The following TRMT1L variants were observed in gnomAD, a reference collection of about 807,000 sequenced individuals.
The protein encoded by TRMT1L is tRNA (guanine(27)-N(2))-dimethyltransferase.
Under a neutral mutation model 81.6 loss-of-function variants are expected in TRMT1L, and 28 were observed. That is an observed-to-expected ratio of 0.34 (90% CI 0.25 to 0.47). TRMT1L has a LOEUF of 0.47. TRMT1L is among the 20% of genes least tolerant of loss of function. The pLI, the probability that TRMT1L is intolerant of heterozygous loss-of-function variation, is 1.00. For missense variants in TRMT1L, 739 were observed against 877.1 expected (o/e 0.84, Z 1.99); for synonymous variants, 301 against 303.2 (o/e 0.99, Z 0.07).
intron 7 of TRMT1L, 95 bp downstream of exon 7, chr1:185,143,262 A>AT (rs1411025092): frequency 2.5e-6 from 3 of 1,177,432 alleles, no homozygotes; most frequent in South Asian, 1.6e-5. Context: ...TGGATCTTTA[A>AT]TTTTTTTACA....
In TRMT1L at chr1:185,143,891, T is replaced by G. The variant is rs1193215842; in HGVS notation, c.779+15A>C. On this transcript the variant is annotated intron_variant, in intron 6 of 14. Coordinates refer to ENST00000367506, the MANE Select transcript of TRMT1L (RefSeq NM_030934.5). ...ATTTGAAACATCCCATAACCCTATT[T>G]TCAATTTATCTTACCGATTTAGTTT... is the stretch of plus-strand genomic sequence containing the variant. 6.3e-7 allele frequency: 1 copy of G among 1,598,554 alleles called. No homozygotes were observed. Among genetic ancestry groups the G allele is most frequent in the Admixed American group, 1.7e-5 (1 of 58,960 alleles).
chr1:185,139,916 C>T (rs754101144), intron 8 of TRMT1L, 57 bp downstream of exon 8: 667 of 1,536,296 alleles, frequency 4.3e-4, no homozygotes, highest in Non-Finnish European at 5.7e-4. Flanking sequence ...AACTACTCCT[C>T]GTCCCCAAAA....
chr1:185,145,241 A>T (rs1167350965), intron 5 of TRMT1L, among the ~76,000 whole-genome samples, 198 bp downstream of exon 5: 1 of 151,888 alleles, frequency 6.6e-6, no homozygotes, highest in African/African-American at 2.4e-5. Context: ...TACACCATTT[A>T]TTAAATATAT....
chr1:185,123,938 G>T lies in TRMT1L; in HGVS notation c.1760-19C>A. ...TTTTCTTCTAAAAAATAAAGCAAATGGGAAAAGAAAATATTTTACAGAATG... is the reference window on the plus strand; with the variant it reads ...TTTTCTTCTAAAAAATAAAGCAAATTGGAAAAGAAAATATTTTACAGAATG... On this transcript the variant is annotated intron_variant, in intron 12 of 14. Transcript: ENST00000367506. 1 of 1,364,816 alleles carries T rather than the reference G, an allele frequency of 7.3e-7. No individual in the cohort carries two copies. The highest frequency in any genetic ancestry group is 1.4e-5 in the South Asian group (1 of 73,136). 84.5% of individuals were successfully genotyped at this position (1,364,816 alleles called of 1,614,324 possible).
In TRMT1L at chr1:185,120,113, C is replaced by CT. The variant is rs772092906; in HGVS notation, c.2107dup (p.Ser703LysfsTer8). 3.1e-6 allele frequency: 5 copies of CT among 1,613,998 alleles called. No homozygotes were observed. In the Admixed American group the frequency reaches 8.3e-5, roughly 27 times the overall value. ...ATCTTCAGATGCTGACTGGACATGG[C>CT]TTTCTGACTGTCCTCCAGTGTAGGT... On this transcript the variant is annotated frameshift_variant, in exon 15 of 15. Transcript: ENST00000367506. LOFTEE classifies it high-confidence loss of function.
intron 11 of TRMT1L, among the ~76,000 whole-genome samples, chr1:185,126,329 C>T (rs1652627673): frequency 6.6e-6 from 1 of 152,100 alleles, no homozygotes. Context: ...GAGTCTTGCT[C>T]TGTCGCCCAG....
chr1:185,139,619 A>T, intron 8 of TRMT1L, 40 bp from the exon 9 acceptor site: 1 of 1,410,268 alleles, frequency 7.1e-7, no homozygotes, highest in Non-Finnish European at 9.7e-7. Flanking sequence ...AAGTCATATT[A>T]GTAACAAAAA....
intron 10 of TRMT1L, among the ~76,000 whole-genome samples, chr1:185,136,110 G>A (rs1003373128): frequency 6.6e-6 from 1 of 152,152 alleles, no homozygotes; most frequent in Non-Finnish European, 1.5e-5. Flanking sequence ...TATTATGCTT[G>A]AATCAGAAAG....
At chr1:185,152,996 GA>G (rs1179649044) in intron 1 of TRMT1L, among the ~76,000 whole-genome samples, 4 of 151,852 alleles carry the variant, frequency 2.6e-5, no homozygotes, top group African/African-American at 4.8e-5. Context: ...GAAAGCCTAA[GA>G]AAAAAAGTGT....
rs1235986121 is a variant in TRMT1L at position 185,139,286 on chromosome 1, A to G, written c.1322+81T>C. On this transcript the variant is annotated intron_variant, in intron 9 of 14. Transcript: ENST00000367506. Reference sequence around the variant, plus strand: ...AATTTATATTTTGTGCATATTTTGAATAAGGTAAGTACTTCTTGTAATATT... The same window carrying G: ...AATTTATATTTTGTGCATATTTTGAGTAAGGTAAGTACTTCTTGTAATATT... The G allele has an allele frequency of 1.4e-5, 16 of 1,147,686 alleles. No homozygotes were observed. In the East Asian group the frequency reaches 3.9e-4, roughly 28 times the overall value. The allele number at this position is 1,147,686 out of a possible 1,614,324, so 71.1% of individuals were successfully genotyped here.
At chr1:185,139,665 C>A in intron 8 of TRMT1L, 86 bp from the exon 9 acceptor site, 1 of 968,640 alleles carries the variant, frequency 1.0e-6, no homozygotes, top group South Asian at 2.0e-5. Flanking sequence ...TATAAAATTC[C>A]ATGGATTTAA....
intron 13 of TRMT1L, among the ~76,000 whole-genome samples, chr1:185,123,465 G>A (rs778873110): frequency 2.6e-5 from 4 of 152,068 alleles, no homozygotes; most frequent in East Asian, 3.8e-4. Flanking sequence ...TTTGGCTGAA[G>A]AATGAGGTCT....
chr1:185,147,118 TA>T, intron 4 of TRMT1L, 63 bp downstream of exon 4: 2 of 1,194,004 alleles, frequency 1.7e-6, no homozygotes, highest in Non-Finnish European at 1.2e-6. Flanking sequence ...TCACAGTAAG[TA>T]AAAATTATGC....
At chr1:185,148,348 T>G (rs1479631539) in intron 3 of TRMT1L, among the ~76,000 whole-genome samples, 3 of 152,192 alleles carry the variant, frequency 2.0e-5, no homozygotes, top group Non-Finnish European at 4.4e-5. Context: ...TGCACTGTTC[T>G]CCAGCTCAGT....
rs1571365816 is a variant in TRMT1L, at chr1:185,156,784, T to G, written c.-72A>C. 6.3e-7 allele frequency: 1 copy of G among 1,590,980 alleles called. No homozygotes were observed. Among genetic ancestry groups the G allele is most frequent in the Middle Eastern group, 1.7e-4 (1 of 5,958 alleles). Reference sequence around the variant, plus strand: ...TCACGGCGGGGTCAGAGAACTGACGTGAATGCCCACAGGGCTGGATCCAAG... The same window carrying G: ...TCACGGCGGGGTCAGAGAACTGACGGGAATGCCCACAGGGCTGGATCCAAG... On this transcript the variant is annotated 5_prime_UTR_variant, in exon 1 of 15. Coordinates refer to ENST00000367506, the MANE Select transcript of TRMT1L (RefSeq NM_030934.5).
chr1:185,119,686 T>A lies in TRMT1L; in HGVS notation c.*333A>T, dbSNP rs1652448976. On this transcript the variant is annotated 3_prime_UTR_variant, in exon 15 of 15. Coordinates refer to ENST00000367506, the MANE Select transcript of TRMT1L (RefSeq NM_030934.5). Reference sequence around the variant, plus strand: ...TTTAGGCAGAGATGTGATTAAGAATTGTAAAAGATGGCTTTCATAACATAC... The same window carrying A: ...TTTAGGCAGAGATGTGATTAAGAATAGTAAAAGATGGCTTTCATAACATAC... 5.1e-6 allele frequency: 1 copy of A among 195,212 alleles called. No homozygotes were observed. The highest frequency in any genetic ancestry group is 1.1e-5 in the Non-Finnish European group (1 of 94,842). The allele number at this position is 195,212 out of a possible 1,614,324, so 12.1% of individuals were successfully genotyped here.
chr1:185,155,392 C>T (rs1031672075), intron 1 of TRMT1L, among the ~76,000 whole-genome samples: 1 of 152,196 alleles, frequency 6.6e-6, no homozygotes, highest in Non-Finnish European at 1.5e-5. Context: ...TATTTTGTAC[C>T]TACAAGCTCT....
In TRMT1L at chr1:185,136,237, C is replaced by T. The variant is rs188692869; in HGVS notation, c.1513+1369G>A. 7.6e-3 allele frequency among the ~76,000 whole-genome samples: 1,157 copies of T among 151,952 alleles called. 13 individuals are homozygous for T. The highest frequency in any genetic ancestry group is 0.012 in the Non-Finnish European group (788 of 67,942). ...CTAGCCAGCAAACATGGTGAAACCCCGTCTCTACTAAAAATACAAAAAGTA... is the reference window on the plus strand; with the variant it reads ...CTAGCCAGCAAACATGGTGAAACCCTGTCTCTACTAAAAATACAAAAAGTA... On this transcript the variant is annotated intron_variant, in intron 10 of 14. Coordinates refer to ENST00000367506, the MANE Select transcript of TRMT1L (RefSeq NM_030934.5).
At chr1:185,122,358 T>C (rs529609167) in intron 13 of TRMT1L, among the ~76,000 whole-genome samples, 2 of 152,322 alleles carry the variant, frequency 1.3e-5, no homozygotes, top group East Asian at 1.9e-4. Flanking sequence ...TTAAAAGTTA[T>C]AGAAGAGCCC....
Sources: allele counts gnomAD v4.1 joint callset (sites outside exome capture counted in the v4.1 genomes callset), GRCh38; gene constraint gnomAD v4.1.1; transcripts MANE v1.5; gene names NCBI Gene and HGNC (gene_info 2026-07-23, HGNC 2026-07-21).